RASAL2: variants seen among roughly 807,000 people sequenced by gnomAD.
The protein encoded by RASAL2 is RAS protein activator like 2.
Under a neutral mutation model 128.9 loss-of-function variants are expected in RASAL2, and 58 were observed. The observed-to-expected ratio is 0.45, with a 90% CI of 0.36 to 0.56. The LOEUF is 0.56. Ranked by LOEUF, RASAL2 falls within the 20% of genes least tolerant of loss-of-function variation. The probability of loss-of-function intolerance (pLI) is 0.00; values close to 1 mark genes in which losing one functional copy is unlikely to be tolerated. For synonymous variants in RASAL2, 561 were observed against 580.8 expected (o/e 0.97, Z 0.49); for missense variants, 1,360 against 1,601.6 (o/e 0.85, Z 2.57).
At chr1:178,210,930 C>G (rs945303679) in intron 1 of RASAL2, among the ~76,000 whole-genome samples, 1 of 152,108 alleles carries the variant, frequency 6.6e-6, no homozygotes, top group African/African-American at 2.4e-5. Flanking sequence ...AAGCTAGTCT[C>G]TTTACAAATC....
intron 1 of RASAL2, among the ~76,000 whole-genome samples, chr1:178,246,175 G>A (rs1465999456): frequency 1.3e-5 from 2 of 152,122 alleles, no homozygotes; most frequent in Non-Finnish European, 2.9e-5. Context: ...TCATTTTCAC[G>A]ATATTGATTC....
At chr1:178,327,821 AGGTG>A (rs138921258) in intron 3 of RASAL2, among the ~76,000 whole-genome samples, 2,886 of 152,266 alleles carry the variant, frequency 0.019, 74 homozygotes, top group African/African-American at 0.062. Context: ...CTGGATATCT[AGGTG>A]GGTCCTAATC....
At chr1:178,264,666 T>C (rs1377705574) in intron 1 of RASAL2, among the ~76,000 whole-genome samples, 1 of 152,208 alleles carries the variant, frequency 6.6e-6, no homozygotes, top group Non-Finnish European at 1.5e-5. Flanking sequence ...GGCAGGTACT[T>C]CTGTCCCTAT....
chr1:178,299,739 C>T (rs764462711), intron 2 of RASAL2, among the ~76,000 whole-genome samples: 11 of 152,142 alleles, frequency 7.2e-5, no homozygotes, highest in Non-Finnish European at 4.4e-5. Flanking sequence ...TCGTTATCCA[C>T]CCACCTCAGC....
chr1:178,103,525 C>T (rs1309563082), intron 1 of RASAL2, among the ~76,000 whole-genome samples: 11 of 152,010 alleles, frequency 7.2e-5, no homozygotes, highest in Non-Finnish European at 1.2e-4. Flanking sequence ...TGAATTATCA[C>T]GAAATTTTGG....
At chr1:178,137,055 T>C (rs895255898) in intron 1 of RASAL2, among the ~76,000 whole-genome samples, 3 of 152,188 alleles carry the variant, frequency 2.0e-5, no homozygotes, top group African/African-American at 7.2e-5. Flanking sequence ...TTAATGTAGT[T>C]GAAACCATTG....
intron 5 of RASAL2, among the ~76,000 whole-genome samples, chr1:178,436,026 T>G (rs1252949827): frequency 6.6e-6 from 1 of 152,110 alleles, no homozygotes; most frequent in Non-Finnish European, 1.5e-5. Context: ...ACTCTGTAGT[T>G]AGTAGATCTA....
chr1:178,148,870 A>T (rs142978428), intron 1 of RASAL2, among the ~76,000 whole-genome samples: 7 of 152,132 alleles, frequency 4.6e-5, no homozygotes, highest in Non-Finnish European at 8.8e-5. Context: ...AATCTTGGAG[A>T]TTCTCTTTGT....
At chr1:178,348,521 ACTCCTGGCCTCAAGCAGCC>A (rs1429570581) in intron 3 of RASAL2, among the ~76,000 whole-genome samples, 1 of 151,664 alleles carries the variant, frequency 6.6e-6, no homozygotes, top group Non-Finnish European at 1.5e-5. Flanking sequence ...CTGGTCTTAA[ACTCCTGGCCTCAAGCAGCC>A]CTCCCATCTT....
At chr1:178,137,747 G>C (rs1481985467) in intron 1 of RASAL2, among the ~76,000 whole-genome samples, 1 of 152,136 alleles carries the variant, frequency 6.6e-6, no homozygotes, top group East Asian at 1.9e-4. Flanking sequence ...CTTTCAAATG[G>C]TCAACAAAAA....
At chr1:178,108,383 A>G (rs576669611) in intron 1 of RASAL2, among the ~76,000 whole-genome samples, 1 of 152,200 alleles carries the variant, frequency 6.6e-6, no homozygotes, top group African/African-American at 2.4e-5. Context: ...GACAGTCATG[A>G]GCATGATGAT....
chr1:178,456,672 G>A (rs781119526), intron 12 of RASAL2, 49 bp from the exon 13 acceptor site: 1 of 1,596,952 alleles, frequency 6.3e-7, no homozygotes, highest in Non-Finnish European at 8.6e-7. Context: ...ATCTGTGGTG[G>A]ATGTCGCAAT....
chr1:178,175,437 CGTGTGTGTGT>C (rs1158552851), intron 1 of RASAL2, among the ~76,000 whole-genome samples: 2 of 144,332 alleles, frequency 1.4e-5, no homozygotes, highest in African/African-American at 5.2e-5. Context: ...TACATGGTTA[CGTGTGTGTGT>C]GTGTGTGTGT....
intron 1 of RASAL2, among the ~76,000 whole-genome samples, chr1:178,152,297 T>C (rs1157768172): frequency 6.6e-6 from 1 of 152,202 alleles, no homozygotes; most frequent in African/African-American, 2.4e-5. Context: ...GGGAACTATG[T>C]GTCCCTCTTC....
chr1:178,419,317 C>T (rs535564437), intron 4 of RASAL2, among the ~76,000 whole-genome samples: 14 of 152,016 alleles, frequency 9.2e-5, no homozygotes, highest in East Asian at 5.8e-4. Flanking sequence ...TCTATTGCCC[C>T]GGCTGGAGTG....
chr1:178,218,663 G>A (rs1663510461), intron 1 of RASAL2, among the ~76,000 whole-genome samples: 1 of 152,226 alleles, frequency 6.6e-6, no homozygotes, highest in Non-Finnish European at 1.5e-5. Flanking sequence ...TCCAGCCTGG[G>A]CGACAAGAGC....
intron 1 of RASAL2, among the ~76,000 whole-genome samples, chr1:178,102,771 T>G (rs1658951477): frequency 6.6e-6 from 1 of 152,178 alleles, no homozygotes; most frequent in Admixed American, 6.5e-5. Flanking sequence ...TTCCATGAGC[T>G]CTCTCTTACT....
chr1:178,156,906 G>A (rs559587229), intron 1 of RASAL2, among the ~76,000 whole-genome samples: 1 of 152,140 alleles, frequency 6.6e-6, no homozygotes, highest in East Asian at 1.9e-4. Flanking sequence ...TCAGTGTTTG[G>A]CAATGTCATT....
intron 8 of RASAL2, among the ~76,000 whole-genome samples, chr1:178,445,156 A>G (rs1243188112): frequency 6.6e-6 from 1 of 151,908 alleles, no homozygotes; most frequent in East Asian, 1.9e-4. Flanking sequence ...AAAAAAAAAA[A>G]AGGCTTTGTG....
Sources: allele counts gnomAD v4.1 joint callset (sites outside exome capture counted in the v4.1 genomes callset), GRCh38; gene constraint gnomAD v4.1.1; transcripts MANE v1.5; gene names NCBI Gene and HGNC (gene_info 2026-07-23, HGNC 2026-07-21).